Variants in CFDP1 observed in about 807,000 individuals in gnomAD.
The protein encoded by CFDP1 is chromatin remodeling protein CFDP1, also known as heterochromatin-stabilizing protein CFDP1.
Under a neutral mutation model 40.1 loss-of-function variants are expected in CFDP1, and 31 were observed. The ratio of observed to expected loss-of-function variants is 0.77; its 90% CI spans 0.58 to 1.04. The LOEUF (loss-of-function observed/expected upper bound fraction) is 1.04, where lower values mean the gene tolerates loss of function less well. Among genes scored for constraint, CFDP1 ranks in the 50% least tolerant of loss-of-function variants. The pLI is 0.00. For synonymous variants in CFDP1, 167 were observed against 120.0 expected, an observed-to-expected ratio of 1.39 and a Z score of -2.56; for missense variants, 423 against 343.4, an observed-to-expected ratio of 1.23 and a Z score of -1.83.
At chr16:75,308,386 C>T (rs1041494546) in intron 5 of CFDP1, among the ~76,000 whole-genome samples, 1 of 152,200 alleles carries the variant, frequency 6.6e-6, no homozygotes, top group Non-Finnish European at 1.5e-5. Context: ...AATAAACTCC[C>T]TGCACTCAAA....
At chr16:75,390,210 T>C (rs1279750064) in intron 5 of CFDP1, among the ~76,000 whole-genome samples, 1 of 152,190 alleles carries the variant, frequency 6.6e-6, no homozygotes, top group Non-Finnish European at 1.5e-5. Flanking sequence ...CTCTATACCC[T>C]TTCCCACATG....
intron 6 of CFDP1, among the ~76,000 whole-genome samples, chr16:75,300,098 C>T (rs776737195): frequency 2.6e-5 from 4 of 152,154 alleles, no homozygotes; most frequent in African/African-American, 4.8e-5. Flanking sequence ...TTACTGCTTC[C>T]GCTGCTGGGT....
intron 4 of CFDP1, among the ~76,000 whole-genome samples, chr16:75,397,078 T>C (rs183173076): frequency 0.012 from 1,856 of 152,116 alleles, 33 homozygotes; most frequent in African/African-American, 0.043. Context: ...CACGCCCAGC[T>C]AATTTTTTTG....
intron 5 of CFDP1, among the ~76,000 whole-genome samples, chr16:75,344,655 T>A (rs2078549658): frequency 6.6e-6 from 1 of 152,178 alleles, no homozygotes; most frequent in African/African-American, 2.4e-5. Flanking sequence ...ACATCCTGGC[T>A]GGGCACAGTG....
At chr16:75,305,418 C>T (rs1179202510) in intron 5 of CFDP1, 1 of 489,490 alleles carries the variant, frequency 2.0e-6, no homozygotes, top group Admixed American at 3.3e-5. Flanking sequence ...AACAGGAAAT[C>T]CTGCCTTCTT....
intron 5 of CFDP1, among the ~76,000 whole-genome samples, chr16:75,378,103 C>A (rs1344164666): frequency 1.3e-5 from 2 of 152,170 alleles, no homozygotes; most frequent in African/African-American, 4.8e-5. Context: ...TCCTTTCTGA[C>A]TGGAAAACAA....
chr16:75,382,050 G>C (rs1424721012), intron 5 of CFDP1, among the ~76,000 whole-genome samples: 4 of 151,682 alleles, frequency 2.6e-5, no homozygotes, highest in Non-Finnish European at 5.9e-5. Context: ...AGAATGCAGA[G>C]GTTGTAGTGA....
chr16:75,391,367 A>T (rs1055047340), intron 5 of CFDP1: 2 of 152,238 alleles, frequency 1.3e-5, no homozygotes, highest in African/African-American at 4.8e-5. Flanking sequence ...CACTAATAAT[A>T]CCACATACAA....
At chr16:75,429,688 G>C (rs28528702) in intron 1 of CFDP1, among the ~76,000 whole-genome samples, 1,554 of 152,250 alleles carry the variant, frequency 0.01, 27 homozygotes, top group African/African-American at 0.035. Flanking sequence ...AGTACTCATA[G>C]AAGGTAACCA....
At chr16:75,354,797 T>C (rs923726768) in intron 5 of CFDP1, among the ~76,000 whole-genome samples, 2 of 152,220 alleles carry the variant, frequency 1.3e-5, no homozygotes, top group African/African-American at 2.4e-5. Flanking sequence ...TGGGAAATTA[T>C]AATAAAGAGT....
intron 5 of CFDP1, among the ~76,000 whole-genome samples, chr16:75,383,817 T>TAAAA (rs35216321): frequency 5.5e-5 from 7 of 127,362 alleles, no homozygotes; most frequent in Non-Finnish European, 9.7e-5. Context: ...GACTCCGTCT[T>TAAAA]AAAAAAAAAA....
chr16:75,361,881 A>G (rs1265167094), intron 5 of CFDP1, among the ~76,000 whole-genome samples: 1 of 152,002 alleles, frequency 6.6e-6, no homozygotes, highest in Admixed American at 6.6e-5. Flanking sequence ...GAATTTTACT[A>G]TTATTTTTCG....
intron 4 of CFDP1, among the ~76,000 whole-genome samples, chr16:75,396,887 T>C (rs115226899): frequency 0.034 from 5,106 of 152,194 alleles, 262 homozygotes; most frequent in African/African-American, 0.11. Flanking sequence ...TGTAGTCCTC[T>C]GAGAAGTTTT....
chr16:75,358,125 T>C (rs112254880), intron 5 of CFDP1, among the ~76,000 whole-genome samples: 5 of 151,740 alleles, frequency 3.3e-5, no homozygotes, highest in South Asian at 2.1e-4. Flanking sequence ...GGATTACTGA[T>C]TGCACACCGC....
chr16:75,423,626 T>G (rs2079304012), intron 1 of CFDP1, among the ~76,000 whole-genome samples: 1 of 152,096 alleles, frequency 6.6e-6, no homozygotes, highest in African/African-American at 2.4e-5. Flanking sequence ...GCCATTCTCC[T>G]GCTTCAGCCT....
intron 4 of CFDP1, among the ~76,000 whole-genome samples, chr16:75,403,192 C>A (rs889833931): frequency 6.6e-6 from 1 of 152,236 alleles, no homozygotes. Flanking sequence ...TATTTACTAA[C>A]AAGTCCACAA....
At chr16:75,337,403 C>G (rs527759885) in intron 5 of CFDP1, among the ~76,000 whole-genome samples, 1 of 152,222 alleles carries the variant, frequency 6.6e-6, no homozygotes, top group Non-Finnish European at 1.5e-5. Context: ...TACTTTGAGG[C>G]GCAGGCCATT....
intron 5 of CFDP1, among the ~76,000 whole-genome samples, chr16:75,329,277 C>T (rs1459681392): frequency 6.6e-6 from 1 of 152,144 alleles, no homozygotes; most frequent in South Asian, 2.1e-4. Context: ...TGAACCACCA[C>T]GATCAGCCCA....
chr16:75,360,245 T>A (rs995880069), intron 5 of CFDP1, among the ~76,000 whole-genome samples: 2 of 147,456 alleles, frequency 1.4e-5, no homozygotes, highest in African/African-American at 4.9e-5. Flanking sequence ...GGAACCTAGA[T>A]GGGAGATGAC....
Sources: allele counts gnomAD v4.1 joint callset (sites outside exome capture counted in the v4.1 genomes callset), GRCh38; gene constraint gnomAD v4.1.1; transcripts MANE v1.5; gene names NCBI Gene and HGNC (gene_info 2026-07-23, HGNC 2026-07-21).